Variants in SGCZ observed in about 807,000 individuals in gnomAD.
SGCZ encodes zeta-sarcoglycan.
A neutral mutation model predicts 41.3 loss-of-function variants in SGCZ; 40 were observed. The ratio of observed to expected loss-of-function variants is 0.97; its 90% CI spans 0.75 to 1.26. The LOEUF (loss-of-function observed/expected upper bound fraction) is 1.26. Ranked by LOEUF, SGCZ falls within the 50% of genes most tolerant of loss-of-function variation. The probability of loss-of-function intolerance (pLI) is 0.00; values close to 1 mark genes in which losing one functional copy is unlikely to be tolerated. For synonymous variants in SGCZ, 206 were observed against 137.5 expected (o/e 1.50, Z -3.49); for missense variants, 552 against 369.8 (o/e 1.49, Z -4.04).
chr8:15,134,252 C>CA, intron 1 of SGCZ, among the ~76,000 whole-genome samples: 1 of 151,272 alleles, frequency 6.6e-6, no homozygotes, highest in Admixed American at 6.6e-5. Flanking sequence ...AGTATCATCT[C>CA]ATAAACATAA....
chr8:14,582,278 G>C (rs1385978028), intron 1 of SGCZ, among the ~76,000 whole-genome samples: 4 of 152,056 alleles, frequency 2.6e-5, no homozygotes, highest in Admixed American at 6.6e-5. Context: ...TAGTAGTTAC[G>C]TTTGGGGGGA....
At chr8:14,596,267 A>G (rs1805410219) in intron 1 of SGCZ, among the ~76,000 whole-genome samples, 2 of 152,242 alleles carry the variant, frequency 1.3e-5, no homozygotes, top group African/African-American at 4.8e-5. Flanking sequence ...TGGCAAAACT[A>G]GAAGGTTGTG....
chr8:14,754,476 G>C (rs1182677029), intron 1 of SGCZ, among the ~76,000 whole-genome samples: 1 of 151,992 alleles, frequency 6.6e-6, no homozygotes, highest in African/African-American at 2.4e-5. Flanking sequence ...ATTGCTTCTT[G>C]TCTATTCATC....
At chr8:14,268,569 A>C (rs1799954167) in intron 3 of SGCZ, among the ~76,000 whole-genome samples, 1 of 151,836 alleles carries the variant, frequency 6.6e-6, no homozygotes. Context: ...AAATTAGGGG[A>C]TAGTATTTAA....
chr8:14,924,539 A>G (rs896938880), intron 1 of SGCZ, among the ~76,000 whole-genome samples: 2 of 62,712 alleles, frequency 3.2e-5, no homozygotes, highest in African/African-American at 9.2e-5. Context: ...AATAAGTACA[A>G]AAAAAAAAGC....
intron 2 of SGCZ, among the ~76,000 whole-genome samples, chr8:14,450,444 G>C (rs1471360385): frequency 6.6e-6 from 1 of 152,162 alleles, no homozygotes; most frequent in Admixed American, 6.6e-5. Context: ...GAGCAGTATT[G>C]AATTAACTTG....
chr8:15,118,476 G>C (rs1807353649), intron 1 of SGCZ, among the ~76,000 whole-genome samples: 1 of 152,046 alleles, frequency 6.6e-6, no homozygotes, highest in African/African-American at 2.4e-5. Context: ...GAAGGTCTAA[G>C]GTTGATCACT....
chr8:14,610,747 C>A (rs13254180), intron 1 of SGCZ, among the ~76,000 whole-genome samples: 5 of 152,010 alleles, frequency 3.3e-5, no homozygotes, highest in African/African-American at 1.2e-4. Flanking sequence ...CACACAGACA[C>A]TGCCTCAAGG....
intron 1 of SGCZ, among the ~76,000 whole-genome samples, chr8:14,646,380 T>C (rs1585151139): frequency 9.4e-6 from 1 of 106,104 alleles, no homozygotes; most frequent in Non-Finnish European, 2.2e-5. Context: ...ATGGGTGTGA[T>C]TTTTTTCTTT....
chr8:14,853,792 C>A (rs1803437295), intron 1 of SGCZ, among the ~76,000 whole-genome samples: 1 of 151,820 alleles, frequency 6.6e-6, no homozygotes, highest in African/African-American at 2.4e-5. Flanking sequence ...TTTCTAACTA[C>A]TGTTGGAATT....
chr8:14,907,681 A>G (rs1399158575), intron 1 of SGCZ, among the ~76,000 whole-genome samples: 2 of 152,176 alleles, frequency 1.3e-5, no homozygotes, highest in African/African-American at 2.4e-5. Context: ...GACTCAAAAA[A>G]TAAAATAAAG....
intron 2 of SGCZ, among the ~76,000 whole-genome samples, chr8:14,439,907 A>T (rs1157265834): frequency 6.6e-6 from 1 of 151,942 alleles, no homozygotes; most frequent in Non-Finnish European, 1.5e-5. Flanking sequence ...TGTCCAATCC[A>T]TTATATTGGT....
intron 1 of SGCZ, among the ~76,000 whole-genome samples, chr8:14,725,578 G>T (rs1319697869): frequency 6.6e-6 from 1 of 152,126 alleles, no homozygotes; most frequent in African/African-American, 2.4e-5. Context: ...TAAAAATAAT[G>T]AGAAGCAAGG....
intron 3 of SGCZ, among the ~76,000 whole-genome samples, chr8:14,276,264 G>A (rs537646314): frequency 6.6e-6 from 1 of 152,246 alleles, no homozygotes; most frequent in East Asian, 1.9e-4. Flanking sequence ...ATTTACTTGA[G>A]CCTCAACTGA....
chr8:14,529,254 G>A (rs1326107624), intron 2 of SGCZ, among the ~76,000 whole-genome samples: 1 of 152,092 alleles, frequency 6.6e-6, no homozygotes, highest in South Asian at 2.1e-4. Flanking sequence ...ATATGCTGAA[G>A]GGCAAGTAAG....
At chr8:14,301,723 A>T (rs1801197483) in intron 3 of SGCZ, among the ~76,000 whole-genome samples, 1 of 152,180 alleles carries the variant, frequency 6.6e-6, no homozygotes, top group Non-Finnish European at 1.5e-5. Context: ...AGACAGTGAG[A>T]AGAATAACTT....
At chr8:15,073,530 G>A (rs1039964457) in intron 1 of SGCZ, among the ~76,000 whole-genome samples, 2 of 152,174 alleles carry the variant, frequency 1.3e-5, no homozygotes, top group African/African-American at 4.8e-5. Context: ...CAGCATAGAT[G>A]TTACTGAGAA....
Position 14,978,597 on chromosome 8 carries a change from C to T in SGCZ, c.39+258988G>A, listed in dbSNP as rs903890077. ...TGTAAACCAGATTTTATCACCATTT[C>T]GCCTAAGTTAGGTTTTGCCAGCTGC... On this transcript the variant is annotated intron_variant, in intron 1 of 7. Transcript: ENST00000382080. Among the ~76,000 whole-genome samples, 4 of 149,856 alleles carry T rather than the reference C, an allele frequency of 2.7e-5. No individual in the cohort carries two copies. In the Admixed American group the frequency reaches 2.7e-4, roughly 10 times the overall value.
chr8:14,581,977 T>C (rs1804904890), intron 1 of SGCZ, among the ~76,000 whole-genome samples: 1 of 152,110 alleles, frequency 6.6e-6, no homozygotes, highest in Non-Finnish European at 1.5e-5. Flanking sequence ...GCTCCACCTC[T>C]ACTGCCTCTG....
Sources: gnomAD v4.1 joint callset for allele counts (sites outside exome capture counted in the v4.1 genomes callset) on GRCh38, gnomAD v4.1.1 for gene constraint, MANE v1.5 for transcripts, NCBI Gene and HGNC (gene_info 2026-07-23, HGNC 2026-07-21) for gene names.